Variants in C16orf74 observed in about 807,000 individuals in gnomAD.
C16orf74 encodes the protein uncharacterized protein C16orf74.
Under a neutral mutation model 6.5 loss-of-function variants are expected in C16orf74, and 10 were observed. The observed-to-expected ratio is 1.54, with a 90% CI of 0.95 to 2.61. The LOEUF (loss-of-function observed/expected upper bound fraction) is 2.61. C16orf74 is among the 30% of genes most tolerant of loss of function. The pLI, the probability that C16orf74 is intolerant of heterozygous loss-of-function variation, is 0.00. For missense variants in C16orf74, 141 were observed against 105.9 expected (o/e 1.33, Z -1.45); for synonymous variants, 60 against 42.5 (o/e 1.41, Z -1.60).
intron 2 of C16orf74, among the ~76,000 whole-genome samples, chr16:85,714,688 G>C (rs991029144): frequency 1.1e-4 from 17 of 151,536 alleles, no homozygotes; most frequent in Non-Finnish European, 2.4e-4. Flanking sequence ...AAAGTCCTGG[G>C]ATTACAGGCA....
chr16:85,714,577 A>G (rs566038543), intron 2 of C16orf74, among the ~76,000 whole-genome samples: 4 of 151,082 alleles, frequency 2.6e-5, no homozygotes, highest in East Asian at 2.0e-4. Context: ...CTGCCACCAC[A>G]CCCAGCTAAT....
intron 1 of C16orf74, among the ~76,000 whole-genome samples, chr16:85,738,027 T>C (rs2054263319): frequency 6.7e-6 from 1 of 149,852 alleles, no homozygotes; most frequent in African/African-American, 2.5e-5. Context: ...TCCAAGACAA[T>C]TCTTCTTCCA....
chr16:85,733,810 C>G (rs1598800020), intron 2 of C16orf74, among the ~76,000 whole-genome samples: 1 of 152,178 alleles, frequency 6.6e-6, no homozygotes, highest in Non-Finnish European at 1.5e-5. Flanking sequence ...CTGTTTGTGT[C>G]TGTCCGGCAT....
At chr16:85,722,061 C>T (rs191260055) in intron 2 of C16orf74, among the ~76,000 whole-genome samples, 141 of 143,784 alleles carry the variant, frequency 9.8e-4, no homozygotes, top group Non-Finnish European at 5.5e-4. Context: ...TGGGCTCACG[C>T]GGTCTTGCTG....
At chr16:85,744,073 A>C (rs2054341619) in intron 1 of C16orf74, 1 of 151,632 alleles carries the variant, frequency 6.6e-6, no homozygotes, top group African/African-American at 2.4e-5. Context: ...AAAAAATACA[A>C]AATTAGCCGG....
chr16:85,743,581 T>C (rs947353432), intron 1 of C16orf74: 1 of 152,120 alleles, frequency 6.6e-6, no homozygotes, highest in Non-Finnish European at 1.5e-5. Flanking sequence ...GAATTCTAGA[T>C]TGTTTGAGTT....
At chr16:85,720,771 CAA>C (rs57419341) in intron 2 of C16orf74, among the ~76,000 whole-genome samples, 72 of 81,476 alleles carry the variant, frequency 8.8e-4, no homozygotes, top group Non-Finnish European at 1.3e-3. Context: ...GATCCTGCCT[CAA>C]AAAAAAAAAA....
chr16:85,745,139 TAAAAAAAAA>T (rs10554549), intron 1 of C16orf74, among the ~76,000 whole-genome samples: 1 of 51,010 alleles, frequency 2.0e-5, no homozygotes, highest in East Asian at 6.9e-4. Context: ...AAACTCTGTC[TAAAAAAAAA>T]AAAAAAAAAA....
At chr16:85,728,424 C>CA (rs1415650056) in intron 2 of C16orf74, among the ~76,000 whole-genome samples, 16 of 152,170 alleles carry the variant, frequency 1.1e-4, no homozygotes, top group African/African-American at 3.9e-4. Context: ...CAGGCAGCCC[C>CA]AAGGGACCTT....
chr16:85,708,209 T>C (rs2053932608), intron 3 of C16orf74, 143 bp from the exon 4 acceptor site: 2 of 693,368 alleles, frequency 2.9e-6, no homozygotes, highest in Admixed American at 2.6e-5. Flanking sequence ...CCCAGCCCAG[T>C]GATGCTGGAT....
rs528053958 is a variant in C16orf74 at position 85,738,627 on chromosome 16, G to C, written c.-18-3392C>G. Reference sequence around the variant, plus strand: ...ATTTCAGGTGTGAGCCACCGCGCCGGGCCCGGCACTGGGATTTTTAAAAGC... The same window carrying C: ...ATTTCAGGTGTGAGCCACCGCGCCGCGCCCGGCACTGGGATTTTTAAAAGC... On this transcript the variant is annotated intron_variant, in intron 1 of 3. Coordinates refer to ENST00000284245, the MANE Select transcript of C16orf74 (RefSeq NM_206967.3). Among the ~76,000 whole-genome samples, 10 of 152,042 alleles carry C rather than the reference G, an allele frequency of 6.6e-5. No individual in the cohort carries two copies. In the South Asian group the frequency reaches 1.9e-3, roughly 28 times the overall value.
At position 85,751,078 on chromosome 16, in the gene C16orf74, C is replaced by A. The variant is rs1004356979; in HGVS notation, c.-171G>T. On this transcript the variant is annotated 5_prime_UTR_variant, in exon 1 of 4. Transcript: ENST00000284245. ...AGCGGGGGTCATGGCCCGGCCGGCGCTCGGGCAGCCGCGCGCCTCCCGCGG... is the reference window on the plus strand; with the variant it reads ...AGCGGGGGTCATGGCCCGGCCGGCGATCGGGCAGCCGCGCGCCTCCCGCGG... 1 of 148,086 alleles carries A rather than the reference C, an allele frequency of 6.8e-6. No homozygotes were observed. The highest frequency in any genetic ancestry group is 1.5e-5 in the Non-Finnish European group (1 of 66,464). 9.2% of individuals were successfully genotyped at this position (148,086 alleles called of 1,614,324 possible).
intron 2 of C16orf74, among the ~76,000 whole-genome samples, chr16:85,728,644 G>C (rs911486565): frequency 6.6e-6 from 1 of 152,176 alleles, no homozygotes; most frequent in African/African-American, 2.4e-5. Context: ...AGAGGCCCCC[G>C]CACACCTGCA....
chr16:85,713,532 C>T (rs1311144132), intron 2 of C16orf74, among the ~76,000 whole-genome samples: 1 of 152,218 alleles, frequency 6.6e-6, no homozygotes, highest in Non-Finnish European at 1.5e-5. Flanking sequence ...CTTGGCCTCC[C>T]AAAGTGCTGG....
intron 1 of C16orf74, among the ~76,000 whole-genome samples, chr16:85,739,250 T>C (rs2054277492): frequency 6.6e-6 from 1 of 152,194 alleles, no homozygotes; most frequent in African/African-American, 2.4e-5. Context: ...CTGTGGCTGC[T>C]GGTAAGCCAG....
intron 2 of C16orf74, among the ~76,000 whole-genome samples, chr16:85,728,448 G>T (rs924606121): frequency 2.6e-5 from 4 of 152,104 alleles, no homozygotes; most frequent in African/African-American, 9.7e-5. Context: ...CAGGACAGTT[G>T]CTGGGACCAG....
intron 2 of C16orf74, among the ~76,000 whole-genome samples, chr16:85,717,053 C>T (rs2054032365): frequency 6.6e-6 from 1 of 152,212 alleles, no homozygotes; most frequent in Non-Finnish European, 1.5e-5. Flanking sequence ...CTCCCCACTT[C>T]CGGGGAGGCT....
chr16:85,715,225 A>T (rs2054011624), intron 2 of C16orf74, among the ~76,000 whole-genome samples: 1 of 151,982 alleles, frequency 6.6e-6, no homozygotes, highest in Non-Finnish European at 1.5e-5. Flanking sequence ...TGTGAAACAA[A>T]TCAAAGGAAG....
At position 85,720,750 on chromosome 16, in the gene C16orf74, T is replaced by G. The variant is rs1480990409; in HGVS notation, c.29-10443A>C. On this transcript the variant is annotated intron_variant, in intron 2 of 3. Transcript: ENST00000284245. ...GCAATCACACCACGGCACCCCAGCCTGGGCAAGAGAGATCCTGCCTCAAAA... is the reference window on the plus strand; with the variant it reads ...GCAATCACACCACGGCACCCCAGCCGGGGCAAGAGAGATCCTGCCTCAAAA... Among the ~76,000 whole-genome samples the G allele has an allele frequency of 3.3e-5, 4 of 122,878 alleles. No individual in the cohort carries two copies. In the East Asian group the frequency reaches 7.4e-4, roughly 23 times the overall value. 80.6% of individuals were successfully genotyped at this position (122,878 alleles called of 152,430 possible). A position where few individuals can be genotyped will look rare whatever the true frequency, so the allele number is the denominator to read the frequency against.
Sources: gnomAD v4.1 joint callset for allele counts (sites outside exome capture counted in the v4.1 genomes callset) on GRCh38, gnomAD v4.1.1 for gene constraint, MANE v1.5 for transcripts, NCBI Gene and HGNC (gene_info 2026-07-23, HGNC 2026-07-21) for gene names.